Variants in NEDD4L observed in about 807,000 individuals in gnomAD.
NEDD4L encodes NEDD4 like E3 ubiquitin protein ligase, also known as E3 ubiquitin-protein ligase NEDD4-like.
A neutral mutation model predicts 148.9 loss-of-function variants in NEDD4L; 54 were observed. The ratio of observed to expected loss-of-function variants is 0.36; its 90% confidence interval spans 0.29 to 0.45. The LOEUF (loss-of-function observed/expected upper bound fraction) is 0.45, where lower values mean the gene tolerates loss of function less well. Ranked by LOEUF, NEDD4L falls within the 20% of genes least tolerant of loss-of-function variation. The pLI is 1.00. For synonymous variants in NEDD4L, 433 were observed against 440.7 expected (o/e 0.98, Z 0.22); for missense variants, 856 against 1,233.8 (o/e 0.69, Z 4.59).
At chr18:58,285,486 A>T (rs73437235) in intron 5 of NEDD4L, among the ~76,000 whole-genome samples, 4,850 of 152,186 alleles carry the variant, frequency 0.032, 233 homozygotes, top group African/African-American at 0.11. Context: ...GTGCTACCAT[A>T]CAGAATTCAG....
intron 1 of NEDD4L, among the ~76,000 whole-genome samples, chr18:58,153,804 G>A (rs1236661689): frequency 1.3e-5 from 2 of 151,882 alleles, no homozygotes. Flanking sequence ...CCGCCACCAC[G>A]CCTGGCAAGT....
intron 5 of NEDD4L, among the ~76,000 whole-genome samples, chr18:58,253,879 T>G (rs1568482959): frequency 6.6e-6 from 1 of 152,164 alleles, no homozygotes; most frequent in African/African-American, 2.4e-5. Context: ...TTTTAAGAAA[T>G]CTTGTATGAA....
intron 5 of NEDD4L, among the ~76,000 whole-genome samples, chr18:58,269,777 T>C (rs1158678005): frequency 6.6e-6 from 1 of 152,014 alleles, no homozygotes; most frequent in Non-Finnish European, 1.5e-5. Context: ...CATTTTTTTT[T>C]CTCACCCACT....
intron 2 of NEDD4L, among the ~76,000 whole-genome samples, chr18:58,224,433 G>C (rs573611696): frequency 2.4e-3 from 373 of 152,284 alleles, no homozygotes; most frequent in Non-Finnish European, 4.4e-3. Flanking sequence ...GCTTGACACT[G>C]GAAGGAAGTC....
At chr18:58,356,830 A>G (rs765595223) in intron 18 of NEDD4L, among the ~76,000 whole-genome samples, 2 of 152,236 alleles carry the variant, frequency 1.3e-5, no homozygotes, top group Non-Finnish European at 2.9e-5. Context: ...TGGGAAACTA[A>G]GACTTTTTAA....
intron 1 of NEDD4L, among the ~76,000 whole-genome samples, chr18:58,060,007 T>C (rs1339400061): frequency 6.6e-6 from 1 of 152,114 alleles, no homozygotes; most frequent in East Asian, 1.9e-4. Context: ...TTAAATAACT[T>C]GCCCAGGGTC....
At chr18:58,364,391 T>C (rs2045867762) in intron 20 of NEDD4L, 58 bp downstream of exon 20, 1 of 1,066,668 alleles carries the variant, frequency 9.4e-7, no homozygotes, top group African/African-American at 1.6e-5. Context: ...GTTACCACAG[T>C]CACTTCAGTG....
intron 13 of NEDD4L, among the ~76,000 whole-genome samples, chr18:58,337,557 A>G (rs1342830306): frequency 1.3e-5 from 2 of 152,044 alleles, no homozygotes; most frequent in African/African-American, 4.8e-5. Flanking sequence ...ATAGGTACAC[A>G]TTGTGCCACT....
chr18:58,048,715 T>C (rs2081713984), intron 1 of NEDD4L, among the ~76,000 whole-genome samples: 1 of 152,136 alleles, frequency 6.6e-6, no homozygotes, highest in African/African-American at 2.4e-5. Context: ...CTAGAGTGTT[T>C]TAAAGCTTGG....
chr18:58,145,856 T>C (rs1219939817), intron 1 of NEDD4L, among the ~76,000 whole-genome samples: 1 of 152,216 alleles, frequency 6.6e-6, no homozygotes, highest in Non-Finnish European at 1.5e-5. Flanking sequence ...GGTCTTGTTA[T>C]TCTTTTTACT....
chr18:58,058,033 C>T (rs966373614), intron 1 of NEDD4L, among the ~76,000 whole-genome samples: 8 of 152,176 alleles, frequency 5.3e-5, no homozygotes, highest in South Asian at 2.1e-4. Flanking sequence ...TAAGGCCGGC[C>T]GCGGTGGCTC....
At chr18:58,124,907 G>A (rs550568935) in intron 1 of NEDD4L, among the ~76,000 whole-genome samples, 1 of 152,184 alleles carries the variant, frequency 6.6e-6, no homozygotes, top group Non-Finnish European at 1.5e-5. Flanking sequence ...ATGGATGGAT[G>A]TGTGGATGAA....
chr18:58,080,420 G>C (rs2083372144), intron 1 of NEDD4L, among the ~76,000 whole-genome samples: 1 of 152,328 alleles, frequency 6.6e-6, no homozygotes, highest in East Asian at 1.9e-4. Flanking sequence ...TTTGATATGG[G>C]CAGTAAAGTG....
At chr18:58,201,772 C>A (rs2041441908) in intron 2 of NEDD4L, among the ~76,000 whole-genome samples, 1 of 152,208 alleles carries the variant, frequency 6.6e-6, no homozygotes, top group Non-Finnish European at 1.5e-5. Flanking sequence ...TGTATTTTCT[C>A]TTACTCATAA....
intron 2 of NEDD4L, among the ~76,000 whole-genome samples, chr18:58,208,324 C>T (rs961094547): frequency 6.6e-6 from 1 of 152,186 alleles, no homozygotes; most frequent in Non-Finnish European, 1.5e-5. Context: ...ATTATTAGCA[C>T]TTCAGTTGTT....
intron 1 of NEDD4L, among the ~76,000 whole-genome samples, chr18:58,066,148 A>G (rs2082577555): frequency 6.6e-6 from 1 of 152,230 alleles, no homozygotes; most frequent in African/African-American, 2.4e-5. Context: ...CTCCCCTAGT[A>G]GTCACTTAAG....
rs551206250 is a variant in NEDD4L at position 58,044,681 on chromosome 18, G to T, written c.21G>T (p.Glu7Asp). 3.2e-5 allele frequency: 51 copies of T among 1,605,448 alleles called. 2 individuals carry two copies. The South Asian group carries it at 5.7e-4, about 18-fold the overall frequency. The change falls in exon 1 of 31, where the codon GAG becomes GAT. Residue 7 changes from glutamate to aspartate, a missense_variant. Physicochemically the swap from Glu to Asp is conservative, Grantham distance 45. Around this residue, in one of 4 missense-constraint regions of NEDD4L, gnomAD observed 193 missense variants for 244.2 expected, o/e 0.79. Transcript: ENST00000400345. ...GCTCCATGGCGACCGGGCTCGGGGA[G>T]CCGGTCTATGGACTTTCCGAAGACG... MATGLG[E>D]PVYGLSEDEG...
chr18:58,044,933 C>T (rs972073710), intron 1 of NEDD4L: 19 of 474,078 alleles, frequency 4.0e-5, no homozygotes, highest in Admixed American at 2.1e-4. Context: ...GGCGCGACGC[C>T]CTTGGAGCTG....
chr18:58,210,627 T>A (rs565211772), intron 2 of NEDD4L, among the ~76,000 whole-genome samples: 46 of 152,324 alleles, frequency 3.0e-4, no homozygotes, highest in Admixed American at 7.2e-4. Flanking sequence ...TTTGTATTTT[T>A]AGTAGAGACG....
Sources: gnomAD v4.1 joint callset for allele counts (sites outside exome capture counted in the v4.1 genomes callset) on GRCh38, gnomAD v4.1.1 for gene constraint, gnomAD v4.1.1 regional missense constraint, MANE v1.5 for transcripts, NCBI Gene and HGNC (gene_info 2026-07-23, HGNC 2026-07-21) for gene names.